SOX5: variants seen among roughly 807,000 people sequenced by gnomAD.
The protein encoded by SOX5 is transcription factor SOX-5.
SOX5 carries 9 observed loss-of-function variants against 92.0 expected under a neutral mutation model. That is an observed-to-expected ratio of 0.10 (90% CI 0.06 to 0.17). The LOEUF is 0.17. SOX5 is among the 10% of genes least tolerant of loss of function. The pLI, the probability that SOX5 is intolerant of heterozygous loss-of-function variation, is 1.00. For synonymous variants in SOX5, 344 were observed against 336.3 expected (o/e 1.02, Z -0.25); for missense variants, 642 against 944.5 (o/e 0.68, Z 4.20).
At chr12:23,667,256 T>G (rs1439747534) in intron 6 of SOX5, among the ~76,000 whole-genome samples, 1 of 152,180 alleles carries the variant, frequency 6.6e-6, no homozygotes, top group Non-Finnish European at 1.5e-5. Context: ...GGTTATTATT[T>G]GTATATAAAG....
Position 23,686,211 on chromosome 12 carries a change from T to G in SOX5, c.811-20647A>C, listed in dbSNP as rs2087548781. Among the ~76,000 whole-genome samples the G allele has an allele frequency of 3.9e-5, 6 of 152,154 alleles. No homozygotes were observed. The South Asian group carries it at 1.2e-3, about 31-fold the overall frequency. The stretch of plus-strand genomic sequence containing the variant: ...AATATAACTCAATTTACTGCAAAAT[T>G]TATGCTAAAGAATGAGCCAGATATT... On this transcript the variant is annotated intron_variant, in intron 6 of 14. Transcript: ENST00000451604.
chr12:23,689,286 TTTG>T (rs150980808), intron 6 of SOX5, among the ~76,000 whole-genome samples: 4,621 of 152,182 alleles, frequency 0.03, 223 homozygotes, highest in African/African-American at 0.1. Flanking sequence ...ATTAGATTTT[TTTG>T]TTGTTGTTGT....
chr12:24,048,925 T>G (rs1957290415), intron 4 of SOX5, among the ~76,000 whole-genome samples: 1 of 152,190 alleles, frequency 6.6e-6, no homozygotes, highest in Non-Finnish European at 1.5e-5. Flanking sequence ...ATGAAAATGT[T>G]TTAGCTTTGA....
intron 4 of SOX5, among the ~76,000 whole-genome samples, chr12:24,188,324 C>A (rs1353934894): frequency 6.6e-6 from 1 of 152,110 alleles, no homozygotes; most frequent in Non-Finnish European, 1.5e-5. Context: ...AATATTTATA[C>A]CCTAGTATTG....
At chr12:24,496,439 C>T (rs1347273103) in intron 1 of SOX5, among the ~76,000 whole-genome samples, 1 of 152,080 alleles carries the variant, frequency 6.6e-6, no homozygotes, top group South Asian at 2.1e-4. Context: ...CTTAGCATCC[C>T]CAAATTATCC....
At chr12:24,278,200 G>A (rs1595089926) in intron 2 of SOX5, among the ~76,000 whole-genome samples, 1 of 152,048 alleles carries the variant, frequency 6.6e-6, no homozygotes, top group Admixed American at 6.6e-5. Flanking sequence ...TGATCACAAG[G>A]TTTACAGTAT....
chr12:23,541,165 A>C (rs1163556368), intron 13 of SOX5, among the ~76,000 whole-genome samples: 1 of 152,176 alleles, frequency 6.6e-6, no homozygotes, highest in Non-Finnish European at 1.5e-5. Flanking sequence ...ATCAGAAGGG[A>C]ATTCTCATAG....
intron 1 of SOX5, among the ~76,000 whole-genome samples, chr12:24,500,740 G>A (rs775236460): frequency 8.6e-5 from 13 of 152,024 alleles, no homozygotes; most frequent in South Asian, 2.1e-4. Context: ...CTTAGCTACC[G>A]CTGTTCCAAC....
chr12:24,467,600 G>C (rs1229283320), intron 1 of SOX5, among the ~76,000 whole-genome samples: 1 of 152,162 alleles, frequency 6.6e-6, no homozygotes, highest in Non-Finnish European at 1.5e-5. Context: ...GCAGGAAAGG[G>C]AAAAGACAAG....
At chr12:24,129,977 G>C (rs1207771194) in intron 4 of SOX5, among the ~76,000 whole-genome samples, 1 of 152,170 alleles carries the variant, frequency 6.6e-6, no homozygotes, top group African/African-American at 2.4e-5. Flanking sequence ...GCACATGTGT[G>C]CTTGTGTGTA....
chr12:24,502,447 A>G (rs1056895792), intron 1 of SOX5, among the ~76,000 whole-genome samples: 15 of 152,224 alleles, frequency 9.9e-5, no homozygotes. Flanking sequence ...ATATTCATGA[A>G]TCTACATTGA....
intron 4 of SOX5, among the ~76,000 whole-genome samples, chr12:24,119,610 AAAAT>A (rs987543451): frequency 2.1e-4 from 32 of 152,268 alleles, no homozygotes; most frequent in African/African-American, 7.0e-4. Flanking sequence ...GAGAATATTA[AAAAT>A]AAATAAATTT....
chr12:24,269,419 C>CA (rs927048934), intron 3 of SOX5, among the ~76,000 whole-genome samples: 5 of 152,154 alleles, frequency 3.3e-5, no homozygotes, highest in African/African-American at 1.2e-4. Flanking sequence ...TCATTATCCT[C>CA]AATTTAACTT....
chr12:24,527,710 A>G (rs1176266115), intron 1 of SOX5, among the ~76,000 whole-genome samples: 3 of 152,248 alleles, frequency 2.0e-5, no homozygotes, highest in Non-Finnish European at 4.4e-5. Flanking sequence ...GTCACACTGC[A>G]TAGTACTACA....
chr12:23,650,192 G>A (rs2081378224), intron 7 of SOX5, among the ~76,000 whole-genome samples: 1 of 152,082 alleles, frequency 6.6e-6, no homozygotes, highest in Admixed American at 6.6e-5. Flanking sequence ...AAGTAGAAGA[G>A]TGTAAAAGTT....
At chr12:24,059,177 C>T (rs1166723726) in intron 4 of SOX5, among the ~76,000 whole-genome samples, 1 of 152,152 alleles carries the variant, frequency 6.6e-6, no homozygotes, top group Non-Finnish European at 1.5e-5. Context: ...AGTCTGATCT[C>T]TAAGAGATTT....
At chr12:24,518,937 G>C (rs1950030860) in intron 1 of SOX5, among the ~76,000 whole-genome samples, 1 of 152,032 alleles carries the variant, frequency 6.6e-6, no homozygotes, top group Non-Finnish European at 1.5e-5. Flanking sequence ...ATTCTTTCGT[G>C]TGTTTTCTAA....
At chr12:24,091,557 G>A (rs1944655252) in intron 4 of SOX5, among the ~76,000 whole-genome samples, 1 of 150,416 alleles carries the variant, frequency 6.6e-6, no homozygotes, top group South Asian at 2.1e-4. Flanking sequence ...AGCCTCCCAA[G>A]TAGCTGGGAT....
At chr12:24,362,786 A>T (rs1348610510) in intron 2 of SOX5, among the ~76,000 whole-genome samples, 1 of 151,214 alleles carries the variant, frequency 6.6e-6, no homozygotes, top group African/African-American at 2.4e-5. Context: ...ATAATTAGCT[A>T]GATATTTTAT....
Sources: allele counts gnomAD v4.1 joint callset (sites outside exome capture counted in the v4.1 genomes callset), GRCh38; gene constraint gnomAD v4.1.1; transcripts MANE v1.5; gene names NCBI Gene and HGNC (gene_info 2026-07-23, HGNC 2026-07-21).